The following MITF variants were observed in gnomAD, a reference collection of about 807,000 sequenced individuals.
MITF encodes the protein microphthalmia-associated transcription factor.
MITF carries 17 observed loss-of-function variants against 60.5 expected under a neutral mutation model. That is an observed-to-expected ratio of 0.28 (90% confidence interval 0.19 to 0.42). MITF has a LOEUF of 0.42. MITF is among the 10% of genes least tolerant of loss of function. The pLI is 1.00. For missense variants in MITF, 622 were observed against 683.5 expected (o/e 0.91, Z 1.00); for synonymous variants, 260 against 248.5 (o/e 1.05, Z -0.43).
At chr3:69,771,586 C>CTAAATA (rs2062395036) in intron 1 of MITF, among the ~76,000 whole-genome samples, 1 of 152,134 alleles carries the variant, frequency 6.6e-6, no homozygotes. Context: ...ATACCTATAG[C>CTAAATA]CCTCTTAAAT....
chr3:69,927,192 G>A (rs1559725400), intron 2 of MITF, among the ~76,000 whole-genome samples: 1 of 151,938 alleles, frequency 6.6e-6, no homozygotes, highest in African/African-American at 2.4e-5. Context: ...CATGTATAGT[G>A]TTTTTAACCT....
intron 2 of MITF, among the ~76,000 whole-genome samples, chr3:69,886,209 A>G (rs1260256634): frequency 6.6e-6 from 1 of 152,134 alleles, no homozygotes. Flanking sequence ...TGTTTACTAC[A>G]GAGCTTCAAT....
At chr3:69,748,522 T>C (rs997081398) in intron 1 of MITF, among the ~76,000 whole-genome samples, 1 of 152,208 alleles carries the variant, frequency 6.6e-6, no homozygotes, top group South Asian at 2.1e-4. Context: ...ATTACAGGCA[T>C]GAGCCACCAT....
intron 1 of MITF, among the ~76,000 whole-genome samples, chr3:69,847,197 T>C (rs1402204275): frequency 2.0e-5 from 3 of 152,188 alleles, no homozygotes; most frequent in Non-Finnish European, 2.9e-5. Context: ...TTTTTTCCCT[T>C]AGTGTATCCC....
At chr3:69,942,319 A>G (rs1308049119) in intron 5 of MITF, among the ~76,000 whole-genome samples, 1 of 152,176 alleles carries the variant, frequency 6.6e-6, no homozygotes, top group Non-Finnish European at 1.5e-5. Context: ...GGCAAATTTT[A>G]TCCTATGTGT....
chr3:69,800,435 T>A (rs1266793184), intron 1 of MITF, among the ~76,000 whole-genome samples: 3 of 152,204 alleles, frequency 2.0e-5, no homozygotes, highest in Non-Finnish European at 2.9e-5. Context: ...TGTTTTCAGT[T>A]CTCTTGAGTA....
At chr3:69,862,384 AC>A (rs1043168299) in intron 1 of MITF, among the ~76,000 whole-genome samples, 6 of 152,108 alleles carry the variant, frequency 3.9e-5, no homozygotes, top group Admixed American at 1.3e-4. Context: ...CCAACATAGG[AC>A]CCAGCACATA....
At chr3:69,948,616 G>C (rs2066160649) in intron 5 of MITF, among the ~76,000 whole-genome samples, 1 of 151,842 alleles carries the variant, frequency 6.6e-6, no homozygotes, top group Non-Finnish European at 1.5e-5. Flanking sequence ...ATACGAGAAG[G>C]AAGGAACAAA....
intron 2 of MITF, among the ~76,000 whole-genome samples, chr3:69,932,897 G>A (rs943351647): frequency 2.6e-5 from 4 of 152,160 alleles, no homozygotes; most frequent in African/African-American, 7.2e-5. Context: ...GAATAGTGGT[G>A]TGGTGATAGA....
intron 1 of MITF, among the ~76,000 whole-genome samples, chr3:69,813,678 G>A (rs975337152): frequency 6.6e-6 from 1 of 152,132 alleles, no homozygotes; most frequent in Non-Finnish European, 1.5e-5. Context: ...AGTATGAATG[G>A]AGTATACAAT....
In MITF at chr3:69,781,443, A is replaced by C. The variant is rs563192099; in HGVS notation, c.104+41742A>C. On this transcript the variant is annotated intron_variant, in intron 1 of 9. Transcript: ENST00000352241. ...CTGCAAAATTTGCAGGTCCCAGTGC[A>C]AAATGAACATGTGGAGCCCCTTGTT... Among the ~76,000 whole-genome samples, 3 of 152,284 alleles carry C rather than the reference A, an allele frequency of 2.0e-5. No homozygotes were observed. The South Asian group carries it at 6.2e-4, about 32-fold the overall frequency.
At chr3:69,844,145 G>T (rs1300085300) in intron 1 of MITF, among the ~76,000 whole-genome samples, 1 of 152,094 alleles carries the variant, frequency 6.6e-6, no homozygotes, top group East Asian at 1.9e-4. Flanking sequence ...GTCTATTATT[G>T]ATGGACATTT....
rs191517770 is a variant in MITF at position 69,759,161 on chromosome 3, C to T, written c.104+19460C>T. ...AGAGCCTCTGGTCGCAACATTTAAT[C>T]AATCTATCAATACATAACTTTGTTT... On this transcript the variant is annotated intron_variant, in intron 1 of 9. Coordinates refer to ENST00000352241, the MANE Select transcript of MITF (RefSeq NM_001354604.2). Among the ~76,000 whole-genome samples, 934 of 152,322 alleles carry T rather than the reference C, an allele frequency of 6.1e-3. 13 individuals carry two copies. The highest frequency in any genetic ancestry group is 0.021 in the African/African-American group (878 of 41,574).
At chr3:69,885,305 T>C (rs2064586608) in intron 2 of MITF, among the ~76,000 whole-genome samples, 1 of 152,078 alleles carries the variant, frequency 6.6e-6, no homozygotes, top group Non-Finnish European at 1.5e-5. Flanking sequence ...CCTCGTTTTC[T>C]CCTGTTAGAG....
chr3:69,807,440 C>T (rs2063027451), intron 1 of MITF, among the ~76,000 whole-genome samples: 1 of 152,182 alleles, frequency 6.6e-6, no homozygotes, highest in African/African-American at 2.4e-5. Flanking sequence ...AAAGCAGATT[C>T]GTGAACTGTG....
chr3:69,755,545 A>C (rs998837016), intron 1 of MITF, among the ~76,000 whole-genome samples: 1 of 139,654 alleles, frequency 7.2e-6, no homozygotes, highest in Non-Finnish European at 1.5e-5. Flanking sequence ...CCCGACACGA[A>C]TATGATAGTT....
intron 2 of MITF, among the ~76,000 whole-genome samples, chr3:69,924,707 ATGTACAGT>A (rs1190463018): frequency 1.3e-5 from 2 of 152,188 alleles, no homozygotes; most frequent in Non-Finnish European, 1.5e-5. Flanking sequence ...CCCCAGAAAA[ATGTACAGT>A]CAAAGTTTGC....
In MITF at chr3:69,879,274, C is replaced by A. The variant is rs781567478; in HGVS notation, c.245C>A (p.Ala82Glu). 6.2e-7 allele frequency: 1 copy of A among 1,614,198 alleles called. No homozygotes were observed. Among genetic ancestry groups the A allele is most frequent in the Non-Finnish European group, 8.5e-7 (1 of 1,180,048 alleles). The change falls in exon 2 of 10, where the codon GCG becomes GAG. Residue 82 changes from alanine (A) to glutamate (E), a missense_variant. This residue lies in a region of MITF where 149 missense variants were observed against 157.8 expected (regional missense o/e 0.94). Coordinates refer to ENST00000352241, the MANE Select transcript of MITF (RefSeq NM_001354604.2). ...AGGGAGCAGCAGCAGAAGCTGCAGGCGGCCCAGTTCATGCAACAGAGAGTG... is the reference window on the plus strand; with the variant it reads ...AGGGAGCAGCAGCAGAAGCTGCAGGAGGCCCAGTTCATGCAACAGAGAGTG... ...ERREQQQKLQ[A>E]AQFMQQRVPV...
At chr3:69,911,666 G>A (rs80320608) in intron 2 of MITF, among the ~76,000 whole-genome samples, 2,347 of 152,224 alleles carry the variant, frequency 0.015, 29 homozygotes, top group Middle Eastern at 0.051. Context: ...TGCATAGACA[G>A]TTCACAAAAA....
Sources: allele counts gnomAD v4.1 joint callset (sites outside exome capture counted in the v4.1 genomes callset), GRCh38; gene constraint gnomAD v4.1.1; regional missense constraint gnomAD v4.1.1; transcripts MANE v1.5; gene names NCBI Gene and HGNC (gene_info 2026-07-23, HGNC 2026-07-21).